The following DYNC1I1 variants were observed in gnomAD, a reference collection of about 807,000 sequenced individuals.
DYNC1I1 encodes cytoplasmic dynein 1 intermediate chain 1.
In DYNC1I1, 43 loss-of-function variants were observed where a neutral mutation model predicts 86.6. That is an observed-to-expected ratio of 0.50 (90% CI 0.39 to 0.64). DYNC1I1 has a LOEUF of 0.64. Among genes scored for constraint, DYNC1I1 ranks in the 30% least tolerant of loss-of-function variants. The pLI is 0.00. For synonymous variants in DYNC1I1, 262 were observed against 283.7 expected (o/e 0.92, Z 0.77); for missense variants, 604 against 788.8 (o/e 0.77, Z 2.81).
intron 6 of DYNC1I1, among the ~76,000 whole-genome samples, chr7:95,968,142 G>T (rs1562958692): frequency 6.6e-6 from 1 of 151,286 alleles, no homozygotes. Context: ...TAGAGGTAGG[G>T]AACAATGACC....
At chr7:95,894,165 A>C (rs1790814433) in intron 6 of DYNC1I1, among the ~76,000 whole-genome samples, 1 of 151,810 alleles carries the variant, frequency 6.6e-6, no homozygotes, top group South Asian at 2.1e-4. Flanking sequence ...GCTGTAGTCC[A>C]TCTAGAATGC....
At chr7:95,866,022 G>A (rs994470207) in intron 5 of DYNC1I1, among the ~76,000 whole-genome samples, 1 of 152,160 alleles carries the variant, frequency 6.6e-6, no homozygotes, top group Non-Finnish European at 1.5e-5. Context: ...GCACAGAGTC[G>A]GAACTGAGGA....
chr7:96,002,538 T>C (rs2299274), intron 10 of DYNC1I1, among the ~76,000 whole-genome samples: 1 of 152,340 alleles, frequency 6.6e-6, no homozygotes, highest in East Asian at 1.9e-4. Context: ...AAATGTGATG[T>C]ATTTAGTGAC....
downstream of DYNC1I1, among the ~76,000 whole-genome samples, chr7:96,100,607 G>A (rs1380048793): frequency 2.6e-5 from 4 of 151,492 alleles, no homozygotes; most frequent in East Asian, 2.0e-4. Flanking sequence ...AAGGGAGCCA[G>A]AATGTTGATT....
At chr7:95,858,243 C>T (rs1335644288) in intron 5 of DYNC1I1, among the ~76,000 whole-genome samples, 2 of 152,178 alleles carry the variant, frequency 1.3e-5, no homozygotes, top group East Asian at 3.9e-4. Flanking sequence ...AGGTCAATCA[C>T]TTGATATGGC....
intron 14 of DYNC1I1, among the ~76,000 whole-genome samples, chr7:96,048,466 T>G (rs1421293401): frequency 3.3e-5 from 5 of 152,126 alleles, no homozygotes; most frequent in Non-Finnish European, 5.9e-5. Context: ...TGGGGCTTAT[T>G]AGAGATGCAA....
intron 14 of DYNC1I1, among the ~76,000 whole-genome samples, chr7:96,072,115 A>T (rs1790185532): frequency 6.6e-6 from 1 of 152,196 alleles, no homozygotes; most frequent in Admixed American, 6.5e-5. Context: ...TAGACAATGT[A>T]CATATAGAGT....
intron 10 of DYNC1I1, among the ~76,000 whole-genome samples, chr7:96,026,405 T>C (rs376420947): frequency 1.2e-4 from 18 of 152,120 alleles, no homozygotes; most frequent in South Asian, 2.1e-4. Flanking sequence ...AGTTTACTAG[T>C]CAAAAAGAGG....
intron 16 of DYNC1I1, among the ~76,000 whole-genome samples, chr7:96,108,196 A>G (rs1013870369): frequency 6.6e-6 from 1 of 152,160 alleles, no homozygotes; most frequent in African/African-American, 2.4e-5. Context: ...TTCAATTTAA[A>G]TAATCATGAT....
intron 16 of DYNC1I1, among the ~76,000 whole-genome samples, chr7:96,081,964 C>T (rs944211272): frequency 6.6e-6 from 1 of 151,988 alleles, no homozygotes; most frequent in African/African-American, 2.4e-5. Context: ...TTTCATTTAA[C>T]ATCCCCTTGA....
intron 10 of DYNC1I1, among the ~76,000 whole-genome samples, chr7:96,018,497 G>A (rs1375227482): frequency 6.6e-6 from 1 of 152,110 alleles, no homozygotes; most frequent in East Asian, 1.9e-4. Flanking sequence ...TTTAGTAACT[G>A]CACAAAAATT....
intron 6 of DYNC1I1, among the ~76,000 whole-genome samples, chr7:95,891,951 T>G (rs1300467050): frequency 7.9e-6 from 1 of 125,874 alleles, no homozygotes; most frequent in African/African-American, 2.9e-5. Flanking sequence ...TAAGTTCTGG[T>G]AAATTTTGTT....
chr7:96,045,582 CA>C (rs1191396213), intron 14 of DYNC1I1, among the ~76,000 whole-genome samples: 1 of 152,140 alleles, frequency 6.6e-6, no homozygotes, highest in East Asian at 1.9e-4. Context: ...CCCTGAAGAG[CA>C]AGTGAGAAGC....
At chr7:95,780,346 C>A (rs1268270759) in intron 1 of DYNC1I1, among the ~76,000 whole-genome samples, 1 of 151,666 alleles carries the variant, frequency 6.6e-6, no homozygotes, top group African/African-American at 2.4e-5. Context: ...TGGCTCACTG[C>A]AAGCTCTGCC....
chr7:95,823,952 C>CTACATATA (rs1554393640), intron 4 of DYNC1I1, among the ~76,000 whole-genome samples: 3 of 77,902 alleles, frequency 3.9e-5, no homozygotes, highest in Admixed American at 1.6e-4. Flanking sequence ...TTCTACTAAA[C>CTACATATA]TATATATATA....
At chr7:96,005,865 A>G (rs901945167) in intron 10 of DYNC1I1, among the ~76,000 whole-genome samples, 1 of 152,164 alleles carries the variant, frequency 6.6e-6, no homozygotes, top group African/African-American at 2.4e-5. Flanking sequence ...GCTTGACTCA[A>G]AGTGGCCCAG....
chr7:96,022,018 T>C (rs1350274943), intron 10 of DYNC1I1, among the ~76,000 whole-genome samples: 1 of 152,170 alleles, frequency 6.6e-6, no homozygotes, highest in East Asian at 1.9e-4. Context: ...CTTGGGTATA[T>C]ACCTAGGAGT....
At chr7:95,962,713 G>A (rs184711923) in intron 6 of DYNC1I1, among the ~76,000 whole-genome samples, 7 of 152,242 alleles carry the variant, frequency 4.6e-5, no homozygotes, top group Non-Finnish European at 8.8e-5. Context: ...TCTTAAAGAA[G>A]CTGAAGAACT....
At chr7:96,017,559 C>T (rs1794433796) in intron 10 of DYNC1I1, among the ~76,000 whole-genome samples, 1 of 152,064 alleles carries the variant, frequency 6.6e-6, no homozygotes, top group South Asian at 2.1e-4. Context: ...GACCATTTTG[C>T]TGAAGATGAT....
Sources: allele counts gnomAD v4.1 joint callset (sites outside exome capture counted in the v4.1 genomes callset), GRCh38; gene constraint gnomAD v4.1.1; transcripts MANE v1.5; gene names NCBI Gene and HGNC (gene_info 2026-07-23, HGNC 2026-07-21).